TTLL5: variants seen among roughly 807,000 people sequenced by gnomAD.
TTLL5 encodes the protein tubulin polyglutamylase TTLL5.
A neutral mutation model predicts 168.4 loss-of-function variants in TTLL5; 132 were observed. That is an observed-to-expected ratio of 0.78 (90% CI 0.68 to 0.91). The LOEUF is 0.91. Ranked by LOEUF, TTLL5 falls within the 40% of genes least tolerant of loss-of-function variation. TTLL5 has a pLI of 0.00. For missense variants in TTLL5, 1,545 were observed against 1,581.5 expected, an observed-to-expected ratio of 0.98 and a Z score of 0.39; for synonymous variants, 546 against 558.6, an observed-to-expected ratio of 0.98 and a Z score of 0.32.
chr14:75,807,437 C>G (rs559583864), intron 27 of TTLL5, among the ~76,000 whole-genome samples: 2 of 152,152 alleles, frequency 1.3e-5, no homozygotes, highest in East Asian at 1.9e-4. Flanking sequence ...TAAGAAAGAC[C>G]CTGTGTCAAA....
chr14:75,784,165 A>G (rs1892231571), intron 26 of TTLL5, among the ~76,000 whole-genome samples: 2 of 152,166 alleles, frequency 1.3e-5, no homozygotes, highest in Non-Finnish European at 2.9e-5. Context: ...AAGAAACCCC[A>G]TACCTGTTAG....
intron 3 of TTLL5, among the ~76,000 whole-genome samples, chr14:75,674,783 T>A (rs944039132): frequency 3.9e-5 from 6 of 152,150 alleles, no homozygotes; most frequent in Non-Finnish European, 8.8e-5. Context: ...AAGCTATATA[T>A]GTGATTTGAA....
intron 31 of TTLL5, among the ~76,000 whole-genome samples, chr14:75,950,984 G>A (rs1555359417): frequency 1.3e-5 from 2 of 150,820 alleles, no homozygotes. Flanking sequence ...AAAAACAAAT[G>A]TGTTTTTTGT....
chr14:75,771,584 A>C, intron 20 of TTLL5, 150 bp from the exon 21 acceptor site: 1 of 1,083,734 alleles, frequency 9.2e-7, no homozygotes, highest in Non-Finnish European at 1.3e-6. Context: ...GCTTAGAAGG[A>C]ATCCTTATTC....
At chr14:75,843,851 T>TATTTG (rs1312570090) in intron 28 of TTLL5, among the ~76,000 whole-genome samples, 3 of 53,030 alleles carry the variant, frequency 5.7e-5, no homozygotes, top group Non-Finnish European at 1.1e-4. Flanking sequence ...ATTTTATATT[T>TATTTG]ATTTTATTTT....
At chr14:75,712,523 G>A (rs968853416) in intron 9 of TTLL5, 1 of 147,346 alleles carries the variant, frequency 6.8e-6, no homozygotes, top group Non-Finnish European at 1.5e-5. Context: ...AAAAGAACAT[G>A]TGGGGTCATA....
Position 75,764,684 on chromosome 14 carries a change from A to G in TTLL5, c.1620A>G (p.Ala540=), listed in dbSNP as rs1439232106. Residue 540 remains alanine, a synonymous_variant, in exon 19 of 32, where the codon GCA becomes GCG. Transcript: ENST00000298832. Reference sequence around the variant, plus strand: ...ATTCAAAGGCCAAGCTGCATGCTGCACTTTACGAGAGGAAGCTCCTGTCTC... The same window carrying G: ...ATTCAAAGGCCAAGCTGCATGCTGCGCTTTACGAGAGGAAGCTCCTGTCTC... ...SLNSKAKLHA[A]LYERKLLSLE... 5.6e-6 allele frequency: 9 copies of G among 1,614,196 alleles called. No individual in the cohort carries two copies. The East Asian group carries it at 1.8e-4, about 32-fold the overall frequency.
At chr14:75,821,857 T>C (rs1307462913) in intron 28 of TTLL5, among the ~76,000 whole-genome samples, 2 of 152,078 alleles carry the variant, frequency 1.3e-5, no homozygotes, top group Non-Finnish European at 2.9e-5. Flanking sequence ...AGTCCCCTGG[T>C]CTTTTCCTTT....
intron 28 of TTLL5, among the ~76,000 whole-genome samples, chr14:75,859,917 G>A (rs889276314): frequency 1.3e-5 from 2 of 152,188 alleles, no homozygotes; most frequent in African/African-American, 4.8e-5. Context: ...GACACCCACT[G>A]TAACTCAAAG....
rs530143104 is a variant in TTLL5 at position 75,912,886 on chromosome 14, G to A, written c.3823+10662G>A. ...GCAAAGATAAAATATTATAGTACAC[G>A]TCAATGAAGACAGTTTTGTGAGGGG... On this transcript the variant is annotated intron_variant, in intron 31 of 31. Coordinates refer to ENST00000298832, the MANE Select transcript of TTLL5 (RefSeq NM_015072.5). 4.6e-5 allele frequency among the ~76,000 whole-genome samples: 7 copies of A among 152,192 alleles called. No individual in the cohort carries two copies. The South Asian group carries it at 8.3e-4, about 18-fold the overall frequency.
At chr14:75,824,343 G>C (rs1894998944) in intron 28 of TTLL5, among the ~76,000 whole-genome samples, 1 of 152,194 alleles carries the variant, frequency 6.6e-6, no homozygotes, top group Admixed American at 6.6e-5. Context: ...AATCAGAGCA[G>C]TGGCAGGGGG....
At chr14:75,866,958 T>A (rs925305287) in intron 29 of TTLL5, among the ~76,000 whole-genome samples, 5 of 152,134 alleles carry the variant, frequency 3.3e-5, no homozygotes. Context: ...GAGAGCATAA[T>A]AAACAAAATA....
intron 29 of TTLL5, 63 bp downstream of exon 29, chr14:75,863,925 A>AAAAAAAG: frequency 7.5e-7 from 1 of 1,332,632 alleles, no homozygotes; most frequent in Non-Finnish European, 9.9e-7. Flanking sequence ...AAAAAAAAAA[A>AAAAAAAG]AAAAAAAAAG....
chr14:75,677,397 T>A (rs1318724661), intron 3 of TTLL5, among the ~76,000 whole-genome samples: 2 of 140,514 alleles, frequency 1.4e-5, no homozygotes, highest in African/African-American at 2.6e-5. Context: ...TCTCTTTTTT[T>A]TTTTTTTTTT....
intron 29 of TTLL5, among the ~76,000 whole-genome samples, chr14:75,874,372 G>A (rs59872572): frequency 0.15 from 23,380 of 152,128 alleles, 2,544 homozygotes; most frequent in East Asian, 0.4. Context: ...GATTACAAGT[G>A]TGAGCCACCG....
chr14:75,943,691 T>C (rs762199957), intron 31 of TTLL5, among the ~76,000 whole-genome samples: 1 of 152,108 alleles, frequency 6.6e-6, no homozygotes, highest in African/African-American at 2.4e-5. Context: ...ACAAAACAAA[T>C]AAAGAAACAT....
At chr14:75,701,306 C>T (rs1275212932) in intron 7 of TTLL5, among the ~76,000 whole-genome samples, 1 of 152,116 alleles carries the variant, frequency 6.6e-6, no homozygotes, top group Non-Finnish European at 1.5e-5. Context: ...ATTGTCTTTT[C>T]CCCTGCTATT....
chr14:75,823,745 A>G (rs1198026554), intron 28 of TTLL5, among the ~76,000 whole-genome samples: 5 of 152,182 alleles, frequency 3.3e-5, no homozygotes, highest in African/African-American at 9.7e-5. Flanking sequence ...ATAGGACAAG[A>G]CATTGTGGGC....
intron 5 of TTLL5, among the ~76,000 whole-genome samples, chr14:75,687,274 C>G (rs1357800390): frequency 6.6e-6 from 1 of 151,944 alleles, no homozygotes; most frequent in African/African-American, 2.4e-5. Context: ...TAAATTTGAC[C>G]TTTTTGGTTT....
Sources: allele counts gnomAD v4.1 joint callset (sites outside exome capture counted in the v4.1 genomes callset), GRCh38; gene constraint gnomAD v4.1.1; transcripts MANE v1.5; gene names NCBI Gene and HGNC (gene_info 2026-07-23, HGNC 2026-07-21).